MDGA2: variants seen among roughly 807,000 people sequenced by gnomAD.
The protein encoded by MDGA2 is MAM domain-containing glycosylphosphatidylinositol anchor protein 2.
Under a neutral mutation model 117.8 loss-of-function variants are expected in MDGA2, and 40 were observed. That is an observed-to-expected ratio of 0.34 (90% confidence interval 0.26 to 0.44). The LOEUF (loss-of-function observed/expected upper bound fraction) is 0.44. Ranked by LOEUF, MDGA2 falls within the 20% of genes least tolerant of loss-of-function variation. MDGA2 has a pLI of 1.00. For missense variants in MDGA2, 1,123 were observed against 1,250.6 expected (o/e 0.90, Z 1.54); for synonymous variants, 452 against 439.0 (o/e 1.03, Z -0.37).
At chr14:47,476,928 G>T (rs1045462903) in intron 1 of MDGA2, among the ~76,000 whole-genome samples, 1 of 152,158 alleles carries the variant, frequency 6.6e-6, no homozygotes, top group Non-Finnish European at 1.5e-5. Context: ...TTGGGAGGCC[G>T]AGGCGGGTGT....
chr14:47,191,419 C>CATAT (rs59188931), intron 3 of MDGA2, among the ~76,000 whole-genome samples: 4,098 of 143,472 alleles, frequency 0.029, 148 homozygotes, highest in African/African-American at 0.083. Context: ...TATATATTTA[C>CATAT]ATATATATAT....
Position 47,061,596 on chromosome 14 carries a change from C to A in MDGA2, c.1196-18G>T, listed in dbSNP as rs1889885685. 7 of 1,584,826 alleles carry A rather than the reference C, an allele frequency of 4.4e-6. No individual in the cohort carries two copies. The East Asian group carries it at 1.6e-4, about 36-fold the overall frequency. On this transcript the variant is annotated intron_variant, in intron 6 of 16. Transcript: ENST00000399232. ...TTTTAATGCTACAACATAAAAATTC[C>A]ATAAGGAGTTAGTGTTACTTTCATA...
At chr14:47,296,530 AT>A (rs1368708923) in intron 2 of MDGA2, among the ~76,000 whole-genome samples, 1 of 152,226 alleles carries the variant, frequency 6.6e-6, no homozygotes, top group African/African-American at 2.4e-5. Context: ...ACTGATAAAC[AT>A]GTGGGAAAAT....
chr14:47,355,012 C>T (rs1337595708), intron 1 of MDGA2, among the ~76,000 whole-genome samples: 1 of 152,082 alleles, frequency 6.6e-6, no homozygotes, highest in Non-Finnish European at 1.5e-5. Flanking sequence ...TACCTGGGTA[C>T]ATTCTGGGTA....
At chr14:47,475,536 T>A (rs545476922) in intron 1 of MDGA2, among the ~76,000 whole-genome samples, 22 of 152,132 alleles carry the variant, frequency 1.4e-4, no homozygotes, top group South Asian at 8.3e-4. Context: ...TGTATGTTCA[T>A]TGAAGCATTA....
At chr14:46,992,962 C>T (rs1409874649) in intron 8 of MDGA2, among the ~76,000 whole-genome samples, 1 of 151,978 alleles carries the variant, frequency 6.6e-6, no homozygotes, top group Non-Finnish European at 1.5e-5. Flanking sequence ...AAAACATTTT[C>T]AACCAAAAGT....
chr14:46,963,854 G>A (rs994194889), intron 8 of MDGA2, among the ~76,000 whole-genome samples: 1 of 152,130 alleles, frequency 6.6e-6, no homozygotes, highest in Non-Finnish European at 1.5e-5. Flanking sequence ...TATAATTGGT[G>A]ATATATCATT....
chr14:47,245,397 G>T (rs550983241), intron 2 of MDGA2, among the ~76,000 whole-genome samples: 30 of 151,822 alleles, frequency 2.0e-4, no homozygotes, highest in African/African-American at 7.2e-4. Context: ...TAAGACTTCT[G>T]GTCAACAGTA....
At chr14:47,532,517 T>C (rs1394719174) in intron 1 of MDGA2, among the ~76,000 whole-genome samples, 1 of 152,186 alleles carries the variant, frequency 6.6e-6, no homozygotes, top group Non-Finnish European at 1.5e-5. Context: ...TGCTCTCTCT[T>C]CTATTTCAGT....
intron 2 of MDGA2, among the ~76,000 whole-genome samples, chr14:47,282,435 T>C (rs1888523967): frequency 6.6e-6 from 1 of 150,802 alleles, no homozygotes; most frequent in Non-Finnish European, 1.5e-5. Context: ...ATCCCAGCAC[T>C]TTGGGAGGCT....
chr14:46,883,492 T>C (rs1019959185), intron 10 of MDGA2, among the ~76,000 whole-genome samples: 1 of 152,060 alleles, frequency 6.6e-6, no homozygotes, highest in Non-Finnish European at 1.5e-5. Context: ...TTTTTAATGC[T>C]TATATATTAG....
chr14:47,580,353 T>G (rs544525823), intron 1 of MDGA2, among the ~76,000 whole-genome samples: 10 of 152,188 alleles, frequency 6.6e-5, no homozygotes, highest in African/African-American at 2.2e-4. Context: ...TTTATAAAGC[T>G]GCTAATCCCA....
intron 1 of MDGA2, among the ~76,000 whole-genome samples, chr14:47,617,719 T>G (rs2138919561): frequency 6.6e-6 from 1 of 152,308 alleles, no homozygotes; most frequent in South Asian, 2.1e-4. Context: ...TATTTATTGC[T>G]TTTTCCTTAG....
chr14:47,308,793 T>C (rs1459941778), intron 1 of MDGA2, among the ~76,000 whole-genome samples: 1 of 152,156 alleles, frequency 6.6e-6, no homozygotes, highest in Non-Finnish European at 1.5e-5. Flanking sequence ...GCATGTGCTT[T>C]GCCCTCCTCT....
chr14:47,102,364 GAAACACACACACACACACACACACACAC>G (rs1257044036), intron 5 of MDGA2, among the ~76,000 whole-genome samples: 697 of 43,800 alleles, frequency 0.016, 2 homozygotes, highest in African/African-American at 0.077. Context: ...TGAGGAAGGA[GAAACACACACACACACACACACACACAC>G]AAACACACAC....
chr14:47,293,291 T>C (rs1325033504), intron 2 of MDGA2, among the ~76,000 whole-genome samples: 2 of 152,214 alleles, frequency 1.3e-5, no homozygotes, highest in Non-Finnish European at 2.9e-5. Context: ...CTCATGATGT[T>C]TAAATTTCAA....
intron 1 of MDGA2, among the ~76,000 whole-genome samples, chr14:47,339,349 A>G (rs1024514680): frequency 1.3e-5 from 2 of 152,180 alleles, no homozygotes; most frequent in Admixed American, 6.6e-5. Flanking sequence ...TAAAAATAGT[A>G]TTCTGTAAAT....
At chr14:47,563,578 G>GTTTTTTTTTTTTT (rs56244321) in intron 1 of MDGA2, among the ~76,000 whole-genome samples, 1 of 56,942 alleles carries the variant, frequency 1.8e-5, no homozygotes, top group African/African-American at 9.5e-5. Flanking sequence ...GCTTTTTTCT[G>GTTTTTTTTTTTTT]TTTTTTTTTT....
intron 4 of MDGA2, among the ~76,000 whole-genome samples, chr14:47,138,774 T>A (rs1033569909): frequency 8.5e-5 from 13 of 152,142 alleles, no homozygotes; most frequent in Non-Finnish European, 1.8e-4. Context: ...GAAGCTCTAA[T>A]GACTAATTTA....
Sources: allele counts gnomAD v4.1 joint callset (sites outside exome capture counted in the v4.1 genomes callset), GRCh38; gene constraint gnomAD v4.1.1; transcripts MANE v1.5; gene names NCBI Gene and HGNC (gene_info 2026-07-23, HGNC 2026-07-21).